GPC5: variants seen among roughly 807,000 people sequenced by gnomAD.
GPC5 encodes the protein glypican-5.
In GPC5, 47 loss-of-function variants were observed where a neutral mutation model predicts 53.9. That is an observed-to-expected ratio of 0.87 (90% CI 0.69 to 1.11). GPC5 has a LOEUF of 1.11. Among genes scored for constraint, GPC5 ranks in the 50% most tolerant of loss-of-function variants. The probability of loss-of-function intolerance (pLI) is 0.00; values close to 1 mark genes in which losing one functional copy is unlikely to be tolerated. For synonymous variants in GPC5, 286 were observed against 263.3 expected, an observed-to-expected ratio of 1.09 and a Z score of -0.84; for missense variants, 748 against 713.1, an observed-to-expected ratio of 1.05 and a Z score of -0.56.
chr13:92,671,372 T>C (rs1211602141), intron 7 of GPC5, among the ~76,000 whole-genome samples: 2 of 152,198 alleles, frequency 1.3e-5, no homozygotes, highest in Non-Finnish European at 2.9e-5. Context: ...TATACATAAT[T>C]CACAGAAATC....
chr13:91,700,383 G>A (rs2035967554), intron 3 of GPC5, among the ~76,000 whole-genome samples: 1 of 152,196 alleles, frequency 6.6e-6, no homozygotes, highest in Non-Finnish European at 1.5e-5. Context: ...AGTTACTTGA[G>A]AATAAAGACT....
intron 7 of GPC5, among the ~76,000 whole-genome samples, chr13:92,401,413 C>T (rs1015684594): frequency 3.9e-5 from 6 of 151,998 alleles, no homozygotes; most frequent in Admixed American, 3.3e-4. Context: ...AATGTATTTA[C>T]TTCAATTCGA....
chr13:92,637,005 T>G (rs760576327), intron 7 of GPC5, among the ~76,000 whole-genome samples: 1 of 152,144 alleles, frequency 6.6e-6, no homozygotes, highest in Non-Finnish European at 1.5e-5. Flanking sequence ...AACTAATTGA[T>G]AACCAACTCT....
intron 7 of GPC5, among the ~76,000 whole-genome samples, chr13:92,587,853 CTGGTTGGAAT>C (rs1269982981): frequency 1.3e-5 from 2 of 151,742 alleles, no homozygotes; most frequent in African/African-American, 4.8e-5. Context: ...GTGTAATATG[CTGGTTGGAAT>C]TACTGGGTAT....
chr13:92,694,307 G>C (rs943099293), intron 7 of GPC5, among the ~76,000 whole-genome samples: 2 of 152,108 alleles, frequency 1.3e-5, no homozygotes, highest in African/African-American at 2.4e-5. Flanking sequence ...TGTGAGAAAG[G>C]GGCCACCATC....
intron 7 of GPC5, among the ~76,000 whole-genome samples, chr13:92,797,675 A>G (rs1382244908): frequency 2.0e-5 from 3 of 151,940 alleles, no homozygotes; most frequent in Non-Finnish European, 1.5e-5. Context: ...TTCTATTTTC[A>G]ATGCCATGAA....
chr13:91,751,828 A>G (rs570901985), intron 4 of GPC5, among the ~76,000 whole-genome samples: 1 of 152,312 alleles, frequency 6.6e-6, no homozygotes, highest in South Asian at 2.1e-4. Context: ...ATCTCTACTT[A>G]TGGTTTCCCA....
In GPC5 at chr13:91,538,640, C is replaced by A. The variant is rs553025565; in HGVS notation, c.325+89718C>A. Among the ~76,000 whole-genome samples, 5 of 145,098 alleles carry A rather than the reference C, an allele frequency of 3.4e-5. No homozygotes were observed. In the South Asian group the frequency reaches 1.1e-3, roughly 32 times the overall value. On this transcript the variant is annotated intron_variant, in intron 2 of 7. Transcript: ENST00000377067. ...CTCTGTCCCCCAGGCTGGAGTGCAG[C>A]GGCATGATCTTGGCTCATTGCAAGC... is the stretch of plus-strand genomic sequence containing the variant.
chr13:91,628,975 G>A (rs549543967), intron 2 of GPC5, among the ~76,000 whole-genome samples: 4 of 152,144 alleles, frequency 2.6e-5, no homozygotes, highest in Non-Finnish European at 5.9e-5. Context: ...TGCATTTCTA[G>A]CATCTAAAGT....
intron 2 of GPC5, among the ~76,000 whole-genome samples, chr13:91,485,517 C>T (rs1195033383): frequency 6.6e-6 from 1 of 152,142 alleles, no homozygotes; most frequent in Non-Finnish European, 1.5e-5. Context: ...TGCGCCCGGC[C>T]GGCCCTTCTT....
chr13:91,818,541 T>C (rs996438339), intron 5 of GPC5, among the ~76,000 whole-genome samples: 1 of 152,176 alleles, frequency 6.6e-6, no homozygotes, highest in Non-Finnish European at 1.5e-5. Context: ...ACAGTTTTAG[T>C]ATTCAATGGA....
intron 7 of GPC5, among the ~76,000 whole-genome samples, chr13:92,324,387 G>C (rs533155601): frequency 6.6e-6 from 1 of 151,812 alleles, no homozygotes; most frequent in Non-Finnish European, 1.5e-5. Context: ...ACAAAATGAC[G>C]TGCATGGTGA....
chr13:91,642,143 G>C (rs758772207), intron 2 of GPC5, among the ~76,000 whole-genome samples: 1 of 146,956 alleles, frequency 6.8e-6, no homozygotes, highest in Non-Finnish European at 1.5e-5. Context: ...TTCAAGAGTG[G>C]TATAGGTTGA....
At chr13:92,850,654 G>C (rs1878763918) in intron 7 of GPC5, among the ~76,000 whole-genome samples, 1 of 152,104 alleles carries the variant, frequency 6.6e-6, no homozygotes, top group African/African-American at 2.4e-5. Flanking sequence ...CCTTGGTAGA[G>C]AGGTTAAAGA....
At chr13:92,280,375 G>A (rs781100886) in intron 7 of GPC5, among the ~76,000 whole-genome samples, 4 of 151,840 alleles carry the variant, frequency 2.6e-5, no homozygotes, top group Non-Finnish European at 4.4e-5. Flanking sequence ...AACTCTATTA[G>A]TTCCTTCCTT....
intron 6 of GPC5, among the ~76,000 whole-genome samples, chr13:91,979,926 A>G (rs1373315161): frequency 6.6e-6 from 1 of 152,218 alleles, no homozygotes; most frequent in African/African-American, 2.4e-5. Context: ...CAAGTCACTT[A>G]ACACAACACT....
chr13:92,201,475 T>C (rs2042294941), intron 7 of GPC5, among the ~76,000 whole-genome samples: 1 of 152,160 alleles, frequency 6.6e-6, no homozygotes, highest in Non-Finnish European at 1.5e-5. Flanking sequence ...AACAAAAAAA[T>C]ACATATTGTC....
intron 6 of GPC5, among the ~76,000 whole-genome samples, chr13:92,138,616 C>T (rs1405619408): frequency 1.3e-5 from 2 of 151,990 alleles, no homozygotes; most frequent in Non-Finnish European, 2.9e-5. Flanking sequence ...TGTGTATGTT[C>T]GCTTAAGGGT....
At chr13:92,228,489 T>C (rs1180640804) in intron 7 of GPC5, among the ~76,000 whole-genome samples, 1 of 152,006 alleles carries the variant, frequency 6.6e-6, no homozygotes, top group Non-Finnish European at 1.5e-5. Context: ...AGAAAAAAAG[T>C]TACACGAATT....
Sources: gnomAD v4.1 joint callset for allele counts (sites outside exome capture counted in the v4.1 genomes callset) on GRCh38, gnomAD v4.1.1 for gene constraint, MANE v1.5 for transcripts, NCBI Gene and HGNC (gene_info 2026-07-23, HGNC 2026-07-21) for gene names.